CCDC62: variants seen among roughly 807,000 people sequenced by gnomAD.
The protein encoded by CCDC62 is coiled-coil domain-containing protein 62.
Under a neutral mutation model 80.8 loss-of-function variants are expected in CCDC62, and 72 were observed. That is an observed-to-expected ratio of 0.89 (90% CI 0.74 to 1.08). The LOEUF (loss-of-function observed/expected upper bound fraction) is 1.08, where lower values mean the gene tolerates loss of function less well. Ranked by LOEUF, CCDC62 falls within the 50% of genes least tolerant of loss-of-function variation. CCDC62 has a pLI of 0.00. For missense variants in CCDC62, 704 were observed against 809.4 expected, an observed-to-expected ratio of 0.87 and a Z score of 1.58; for synonymous variants, 286 against 296.5, an observed-to-expected ratio of 0.96 and a Z score of 0.36.
intron 11 of CCDC62, among the ~76,000 whole-genome samples, chr12:122,817,243 G>C (rs1181196668): frequency 7.5e-6 from 1 of 133,018 alleles, no homozygotes; most frequent in Non-Finnish European, 1.5e-5. Context: ...TGGATTTTTA[G>C]TAGAGATGGG....
chr12:122,798,291 A>C, intron 8 of CCDC62, 91 bp downstream of exon 8: 1 of 702,408 alleles, frequency 1.4e-6, no homozygotes, highest in South Asian at 1.6e-5. Flanking sequence ...AGTACTGACT[A>C]CTATTCCCCA....
At chr12:122,778,774 G>C (rs1879638882) in intron 2 of CCDC62, among the ~76,000 whole-genome samples, 1 of 152,090 alleles carries the variant, frequency 6.6e-6, no homozygotes, top group African/African-American at 2.4e-5. Context: ...AGCTACTCAG[G>C]AGGCTGAGGC....
chr12:122,821,162 A>G (rs1012617364), intron 11 of CCDC62, among the ~76,000 whole-genome samples: 2 of 152,074 alleles, frequency 1.3e-5, no homozygotes, highest in South Asian at 4.2e-4. Flanking sequence ...CGAGGCACTT[A>G]GAGTTGCCGA....
chr12:122,817,197 A>T (rs928470691), intron 11 of CCDC62, among the ~76,000 whole-genome samples: 2 of 142,654 alleles, frequency 1.4e-5, no homozygotes, highest in Non-Finnish European at 1.5e-5. Flanking sequence ...GACTACAGGC[A>T]CCCGCCACCA....
chr12:122,823,720 A>AG (rs1486446336), intron 12 of CCDC62, among the ~76,000 whole-genome samples: 4,431 of 148,736 alleles, frequency 0.03, 228 homozygotes, highest in African/African-American at 0.11. Flanking sequence ...AAAAAAAAAA[A>AG]GGCCGGGCGT....
At chr12:122,794,467 C>T (rs78287354) in intron 6 of CCDC62, among the ~76,000 whole-genome samples, 9,614 of 152,108 alleles carry the variant, frequency 0.063, 1,048 homozygotes, top group African/African-American at 0.22. Flanking sequence ...AGCCCCAAAG[C>T]GTTGGGATTA....
At chr12:122,798,480 G>A (rs1369164775) in intron 8 of CCDC62, among the ~76,000 whole-genome samples, 1 of 152,136 alleles carries the variant, frequency 6.6e-6, no homozygotes, top group African/African-American at 2.4e-5. Flanking sequence ...GCTCATGCCT[G>A]TAGTCCCAGC....
intron 3 of CCDC62, among the ~76,000 whole-genome samples, chr12:122,783,715 T>C (rs1431676738): frequency 6.6e-6 from 1 of 152,184 alleles, no homozygotes; most frequent in Admixed American, 6.5e-5. Context: ...GTGGAAGAGA[T>C]CTTTTTTAAC....
chr12:122,781,394 A>G, intron 3 of CCDC62, 64 bp downstream of exon 3: 1 of 1,546,066 alleles, frequency 6.5e-7, no homozygotes, highest in Non-Finnish European at 8.9e-7. Context: ...GTTATTGAAA[A>G]ATTAGATTTG....
At position 122,777,519 on chromosome 12, in the gene CCDC62, C is replaced by T. The variant is rs763353549; in HGVS notation, c.65C>T (p.Thr22Ile). 3 of 1,613,296 alleles carry T rather than the reference C, an allele frequency of 1.9e-6. No homozygotes were observed. Among genetic ancestry groups the T allele is most frequent in the Non-Finnish European group, 2.5e-6 (3 of 1,179,498 alleles). The change falls in exon 2 of 13, where the codon ACT (threonine) becomes ATT (isoleucine). Residue 22 changes from threonine to isoleucine, a missense_variant. Coordinates refer to ENST00000253079, the MANE Select transcript of CCDC62 (RefSeq NM_201435.5). ...QNIGSEVEIS[T>I]IEKQRKELQL... is the part of the protein sequence containing the mutation. ...ATCGGGTCAGAAGTTGAGATTTCCA[C>T]TATCGAGAAACAACGGAAGGAGCTG...
Position 122,786,984 on chromosome 12 carries a change from G to T in CCDC62, c.498+1164G>T, listed in dbSNP as rs1051855732. On this transcript the variant is annotated intron_variant, in intron 4 of 12. Transcript: ENST00000253079. ...AAAAAAAATTAAATTAAATTAAAGA[G>T]AAAATATTAAAATCTACAGTCATGT... is the stretch of plus-strand genomic sequence containing the variant. Among the ~76,000 whole-genome samples the T allele has an allele frequency of 1.6e-4, 24 of 152,112 alleles. 1 individual carries two copies. Among genetic ancestry groups the T allele is most frequent in the South Asian group, 6.2e-4 (3 of 4,810 alleles).
At chr12:122,805,187 C>CTTTTTTT (rs35231650) in intron 9 of CCDC62, among the ~76,000 whole-genome samples, 1 of 64,476 alleles carries the variant, frequency 1.6e-5, no homozygotes, top group Non-Finnish European at 2.8e-5. Context: ...AACTGGCCGG[C>CTTTTTTT]TTTTTTTTTT....
chr12:122,782,971 G>A (rs959209035), intron 3 of CCDC62, among the ~76,000 whole-genome samples: 1 of 151,148 alleles, frequency 6.6e-6, no homozygotes, highest in African/African-American at 2.4e-5. Context: ...ACCAGGTGTG[G>A]TGGTGGGCAC....
rs75175797 is a variant in CCDC62, at chr12:122,801,740, G to T, written c.1594G>T (p.Val532Leu). Residue 532 changes from valine (V) to leucine (L), a missense_variant, in exon 9 of 13, where the codon GTG becomes TTG. Physicochemically the swap from Val to Leu is conservative, Grantham distance 32. Coordinates refer to ENST00000253079, the MANE Select transcript of CCDC62 (RefSeq NM_201435.5). Reference sequence around the variant, plus strand: ...TGAAGCCCCAGGCCACATGTCTGACGTGGAGTGGATGAGTATTTTCAAGCC... The same window carrying T: ...TGAAGCCCCAGGCCACATGTCTGACTTGGAGTGGATGAGTATTTTCAAGCC... ...IIEAPGHMSD[V>L]EWMSIFKPSK... The T allele has an allele frequency of 7.4e-6, 12 of 1,614,180 alleles. No homozygotes were observed. In the East Asian group the frequency reaches 1.3e-4, roughly 18 times the overall value.
intron 12 of CCDC62, among the ~76,000 whole-genome samples, chr12:122,826,144 C>T (rs371508884): frequency 3.3e-5 from 5 of 152,032 alleles, no homozygotes; most frequent in African/African-American, 7.2e-5. Flanking sequence ...TAAGCTAAAG[C>T]GTACAGGCAT....
At chr12:122,819,588 C>T (rs1169462461) in intron 11 of CCDC62, among the ~76,000 whole-genome samples, 3 of 152,184 alleles carry the variant, frequency 2.0e-5, no homozygotes, top group Non-Finnish European at 4.4e-5. Flanking sequence ...GGAGGCCACC[C>T]ACCCAGTGTC....
At chr12:122,818,181 G>C (rs554234706) in intron 11 of CCDC62, among the ~76,000 whole-genome samples, 1 of 151,444 alleles carries the variant, frequency 6.6e-6, no homozygotes, top group African/African-American at 2.4e-5. Flanking sequence ...GGCCAGGCGC[G>C]GTGGCTCACG....
chr12:122,780,265 C>T (rs1459870927), intron 2 of CCDC62, among the ~76,000 whole-genome samples: 18 of 147,586 alleles, frequency 1.2e-4, no homozygotes, highest in Admixed American at 9.7e-4. Context: ...AAGCCGAGAT[C>T]GTGCCGTTGC....
chr12:122,801,715 T>G lies in CCDC62; in HGVS notation c.1569T>G (p.Ile523Met). 6.2e-7 allele frequency: 1 copy of G among 1,614,176 alleles called. No homozygotes were observed. Among genetic ancestry groups the G allele is most frequent in the Non-Finnish European group, 8.5e-7 (1 of 1,180,034 alleles). ...SKCCHPSNFI[I>M]EAPGHMSDVE... ...GCTGCCACCCGAGTAACTTCATAAT[T>G]GAAGCCCCAGGCCACATGTCTGACG... Residue 523 changes from isoleucine (I) to methionine (M), a missense_variant, in exon 9 of 13, where the codon ATT becomes ATG. By Grantham distance (10) the Ile-to-Met change is conservative. Transcript: ENST00000253079.
Sources: gnomAD v4.1 joint callset for allele counts (sites outside exome capture counted in the v4.1 genomes callset) on GRCh38, gnomAD v4.1.1 for gene constraint, MANE v1.5 for transcripts, NCBI Gene and HGNC (gene_info 2026-07-23, HGNC 2026-07-21) for gene names.